COL25A1: variants seen among roughly 807,000 people sequenced by gnomAD.
The protein encoded by COL25A1 is collagen type XXV alpha 1 chain, also known as collagen alpha-1(XXV) chain.
In COL25A1, 103 loss-of-function variants were observed where a neutral mutation model predicts 128.4. The ratio of observed to expected loss-of-function variants is 0.80; its 90% confidence interval spans 0.68 to 0.94. The LOEUF is 0.94. COL25A1 is among the 40% of genes least tolerant of loss of function. The pLI is 0.00. For synonymous variants in COL25A1, 279 were observed against 277.2 expected (o/e 1.01, Z -0.06); for missense variants, 745 against 840.0 (o/e 0.89, Z 1.40).
At chr4:108,830,810 GC>G (rs1733003493) in intron 32 of COL25A1, among the ~76,000 whole-genome samples, 1 of 152,224 alleles carries the variant, frequency 6.6e-6, no homozygotes, top group African/African-American at 2.4e-5. Context: ...CCAAAACACT[GC>G]CTGAGATTTG....
chr4:108,956,921 A>G (rs1309828498), intron 8 of COL25A1, among the ~76,000 whole-genome samples: 1 of 152,214 alleles, frequency 6.6e-6, no homozygotes, highest in Non-Finnish European at 1.5e-5. Flanking sequence ...GGAATAAAAG[A>G]AAGTAACGGT....
chr4:109,253,841 A>C lies in COL25A1; in HGVS notation c.367+46742T>G, dbSNP rs559364914. ...AGTGGCTCACACCTGTAATCCCAGC[A>C]CTTTGGGAGGCCAAGGCGGGCGGAT... is the stretch of plus-strand genomic sequence containing the variant. On this transcript the variant is annotated intron_variant, in intron 3 of 37. Coordinates refer to ENST00000399132, the MANE Select transcript of COL25A1 (RefSeq NM_198721.4). Among the ~76,000 whole-genome samples the C allele has an allele frequency of 1.4e-4, 22 of 152,324 alleles. No homozygotes were observed. In the South Asian group the frequency reaches 4.6e-3, roughly 32 times the overall value.
intron 3 of COL25A1, among the ~76,000 whole-genome samples, chr4:109,284,036 A>C (rs1723631764): frequency 6.6e-6 from 1 of 152,256 alleles, no homozygotes; most frequent in Non-Finnish European, 1.5e-5. Flanking sequence ...CACAAAACCT[A>C]CAGTAAATAA....
rs1204750383 is a variant in COL25A1 at position 109,137,154 on chromosome 4, C to G, written c.368-86975G>C. 2.6e-5 allele frequency among the ~76,000 whole-genome samples: 4 copies of G among 152,270 alleles called. No individual in the cohort carries two copies. In the East Asian group the frequency reaches 5.8e-4, roughly 22 times the overall value. On this transcript the variant is annotated intron_variant, in intron 3 of 37. Transcript: ENST00000399132. ...AAAACAGCAATAGATTGCTAATACA[C>G]CATGTTAAAGAACTGGGTCGAGCAT...
intron 19 of COL25A1, among the ~76,000 whole-genome samples, chr4:108,872,073 C>T (rs1560783202): frequency 6.6e-6 from 1 of 152,152 alleles, no homozygotes; most frequent in Non-Finnish European, 1.5e-5. Context: ...AACACGAAGA[C>T]ATTATTTGCC....
chr4:108,923,879 C>A (rs1049211576), intron 11 of COL25A1, among the ~76,000 whole-genome samples: 1 of 152,140 alleles, frequency 6.6e-6, no homozygotes, highest in African/African-American at 2.4e-5. Context: ...TTCGGTTCAT[C>A]TCTGTTAATC....
chr4:109,064,895 C>G (rs1462199273), intron 3 of COL25A1, among the ~76,000 whole-genome samples: 1 of 152,172 alleles, frequency 6.6e-6, no homozygotes, highest in Non-Finnish European at 1.5e-5. Context: ...TCACATCCAA[C>G]AGACATGCAG....
intron 3 of COL25A1, among the ~76,000 whole-genome samples, chr4:109,197,405 AAATAT>A (rs1387574009): frequency 1.6e-5 from 2 of 126,258 alleles, no homozygotes; most frequent in African/African-American, 6.0e-5. Context: ...ATTATATATA[AAATAT>A]ATATTATATA....
chr4:108,837,440 T>G (rs567600322), intron 31 of COL25A1, among the ~76,000 whole-genome samples: 1 of 152,294 alleles, frequency 6.6e-6, no homozygotes, highest in African/African-American at 2.4e-5. Flanking sequence ...TTAGTTGTTG[T>G]GGAAAGAAGG....
At chr4:108,886,437 A>G (rs1740778442) in intron 18 of COL25A1, among the ~76,000 whole-genome samples, 1 of 127,172 alleles carries the variant, frequency 7.9e-6, no homozygotes, top group Non-Finnish European at 1.6e-5. Flanking sequence ...AAGTGCTATG[A>G]GATTTTGTGT....
At chr4:108,971,085 C>T (rs1163207652) in intron 8 of COL25A1, among the ~76,000 whole-genome samples, 1 of 152,084 alleles carries the variant, frequency 6.6e-6, no homozygotes, top group African/African-American at 2.4e-5. Context: ...CAAGTTCTAG[C>T]TCAAGTGTCA....
At chr4:109,042,595 A>G (rs1489690136) in intron 5 of COL25A1, among the ~76,000 whole-genome samples, 1 of 152,104 alleles carries the variant, frequency 6.6e-6, no homozygotes, top group Non-Finnish European at 1.5e-5. Context: ...CCCTCCATCA[A>G]TAATGATAAT....
At chr4:109,266,258 G>A (rs1336913031) in intron 3 of COL25A1, among the ~76,000 whole-genome samples, 1 of 152,192 alleles carries the variant, frequency 6.6e-6, no homozygotes, top group East Asian at 1.9e-4. Context: ...GTGCTTGGTA[G>A]TCAGAATAAT....
chr4:109,115,130 G>T (rs1488137861), intron 3 of COL25A1, among the ~76,000 whole-genome samples: 2 of 151,962 alleles, frequency 1.3e-5, no homozygotes, highest in East Asian at 3.9e-4. Context: ...TCAAAACAAG[G>T]TATAACATTC....
intron 3 of COL25A1, among the ~76,000 whole-genome samples, chr4:109,186,727 C>A (rs187720114): frequency 3.3e-5 from 5 of 152,302 alleles, no homozygotes; most frequent in Admixed American, 3.3e-4. Context: ...AATTCTGAGT[C>A]CCTCTAAACA....
At chr4:109,078,263 T>A (rs1274036160) in intron 3 of COL25A1, among the ~76,000 whole-genome samples, 1 of 152,302 alleles carries the variant, frequency 6.6e-6, no homozygotes, top group African/African-American at 2.4e-5. Flanking sequence ...GAGTCAGGGA[T>A]CTTGGTTCTA....
In COL25A1 at chr4:108,825,218, T is replaced by C; in HGVS notation, c.1769A>G (p.Lys590Arg). 6.2e-7 allele frequency: 1 copy of C among 1,611,434 alleles called. No homozygotes were observed. Residue 590 changes from lysine to arginine, a missense_variant, in exon 34 of 38, where the codon AAA becomes AGA. Lys to Arg is a conservative substitution (Grantham distance 26). This residue lies in a region of COL25A1 where 387 missense variants were observed against 441.9 expected (regional missense o/e 0.88). Transcript: ENST00000399132. Reference protein sequence around the residue: ...GPRGPYGLPGKDGEPGLDGFP... With the variant: ...GPRGPYGLPGRDGEPGLDGFP... ...TACATCAAGACCAGGCTCTCCATCT[T>C]TCCCCTGCCAAAGAACCATAGTAGC... is the stretch of plus-strand genomic sequence containing the variant.
intron 3 of COL25A1, among the ~76,000 whole-genome samples, chr4:109,153,125 C>T (rs570937248): frequency 1.1e-4 from 16 of 152,172 alleles, no homozygotes; most frequent in African/African-American, 3.9e-4. Flanking sequence ...GTGGCTCATG[C>T]CTGTAATCCC....
intron 8 of COL25A1, chr4:108,942,158 C>T (rs2125930101): frequency 1.3e-6 from 2 of 1,531,234 alleles, no homozygotes; most frequent in Non-Finnish European, 1.8e-6. Flanking sequence ...CCTGCTCACG[C>T]TTATGCTGAT....
Sources: gnomAD v4.1 joint callset for allele counts (sites outside exome capture counted in the v4.1 genomes callset) on GRCh38, gnomAD v4.1.1 for gene constraint, gnomAD v4.1.1 regional missense constraint, MANE v1.5 for transcripts, NCBI Gene and HGNC (gene_info 2026-07-23, HGNC 2026-07-21) for gene names.